The following RPRD1B variants were observed in gnomAD, a reference collection of about 807,000 sequenced individuals.
The protein encoded by RPRD1B is regulation of nuclear pre-mRNA domain-containing protein 1B.
Under a neutral mutation model 41.5 loss-of-function variants are expected in RPRD1B, and 11 were observed. That is an observed-to-expected ratio of 0.27 (90% confidence interval 0.17 to 0.44). The LOEUF (loss-of-function observed/expected upper bound fraction) is 0.44. Among genes scored for constraint, RPRD1B ranks in the 20% least tolerant of loss-of-function variants. RPRD1B has a pLI of 1.00. For synonymous variants in RPRD1B, 158 were observed against 155.6 expected (o/e 1.02, Z -0.12); for missense variants, 248 against 389.9 (o/e 0.64, Z 3.06).
At chr20:38,064,678 C>G (rs1011694522) in intron 5 of RPRD1B, among the ~76,000 whole-genome samples, 1 of 152,098 alleles carries the variant, frequency 6.6e-6, no homozygotes, top group African/African-American at 2.4e-5. Flanking sequence ...CCAAAAATAC[C>G]CTTTCTTAAT....
chr20:38,088,760 G>C (rs1404326087), intron 6 of RPRD1B, among the ~76,000 whole-genome samples: 1 of 152,254 alleles, frequency 6.6e-6, no homozygotes, highest in Non-Finnish European at 1.5e-5. Context: ...AGAGAGCATA[G>C]AGCAGCTTGC....
chr20:38,048,530 G>A (rs1963686113), intron 3 of RPRD1B, 49 bp downstream of exon 3: 7 of 1,547,348 alleles, frequency 4.5e-6, no homozygotes, highest in African/African-American at 1.4e-5. Flanking sequence ...GCCTACTTTC[G>A]AATCAAATAT....
At chr20:38,034,344 T>C (rs2073970281) in intron 1 of RPRD1B, among the ~76,000 whole-genome samples, 1 of 152,200 alleles carries the variant, frequency 6.6e-6, no homozygotes, top group Admixed American at 6.5e-5. Flanking sequence ...ATCAAGCCAT[T>C]TTCCCTTCAG....
At chr20:38,034,419 T>C (rs1021968580) in intron 1 of RPRD1B, among the ~76,000 whole-genome samples, 5 of 152,192 alleles carry the variant, frequency 3.3e-5, no homozygotes, top group African/African-American at 1.2e-4. Context: ...GGCCCTAGCA[T>C]GTCGGGCCCA....
At position 38,054,180 on chromosome 20, in the gene RPRD1B, C is replaced by T. The variant is rs188370672; in HGVS notation, c.416-3352C>T. On this transcript the variant is annotated intron_variant, in intron 3 of 6. Transcript: ENST00000373433. ...ACCTTGGGATAGATTCTAATGGTTTCCAAGGCCTTGTACCTGGAAGACAGG... is the reference window on the plus strand; with the variant it reads ...ACCTTGGGATAGATTCTAATGGTTTTCAAGGCCTTGTACCTGGAAGACAGG... Among the ~76,000 whole-genome samples, 6 of 152,208 alleles carry T rather than the reference C, an allele frequency of 3.9e-5. No individual in the cohort carries two copies. In the East Asian group the frequency reaches 1.2e-3, roughly 29 times the overall value.
rs527964554 is a variant in RPRD1B at position 38,050,819 on chromosome 20, C to T, written c.415+2338C>T. 4.1e-3 allele frequency among the ~76,000 whole-genome samples: 620 copies of T among 152,264 alleles called. 1 individual carries two copies. Among genetic ancestry groups the T allele is most frequent in the Non-Finnish European group, 7.1e-3 (485 of 68,012 alleles). On this transcript the variant is annotated intron_variant, in intron 3 of 6. Coordinates refer to ENST00000373433, the MANE Select transcript of RPRD1B (RefSeq NM_021215.4). ...GCTAATCTAAAGATAATTTCTCTTTCTCTATTCTATAAAGATGAAAACACA... is the reference window on the plus strand; with the variant it reads ...GCTAATCTAAAGATAATTTCTCTTTTTCTATTCTATAAAGATGAAAACACA...
At chr20:38,061,742 A>G (rs2074299614) in intron 5 of RPRD1B, among the ~76,000 whole-genome samples, 1 of 152,142 alleles carries the variant, frequency 6.6e-6, no homozygotes. Flanking sequence ...GCTGAACTCA[A>G]TGGTGGATTC....
chr20:38,091,412 A>G lies in RPRD1B; in HGVS notation c.*1537A>G. The G allele has an allele frequency of 2.0e-6, 2 of 985,470 alleles. No individual in the cohort carries two copies. The highest frequency in any genetic ancestry group is 2.4e-6 in the Non-Finnish European group (2 of 829,920). 61.0% of individuals were successfully genotyped at this position (985,470 alleles called of 1,614,324 possible). A position where few individuals can be genotyped will look rare whatever the true frequency, so the allele number is the denominator to read the frequency against. ...TGAAGTGAGAACAATGAAAAGTCAT[A>G]GCAGATACTCAGTTTAACTCTGTGT... is the stretch of plus-strand genomic sequence containing the variant. On this transcript the variant is annotated 3_prime_UTR_variant, in exon 7 of 7. Transcript: ENST00000373433.
In RPRD1B at chr20:38,091,788, A is replaced by C. The variant is rs1224899954; in HGVS notation, c.*1913A>C. 12 of 985,750 alleles carry C rather than the reference A, an allele frequency of 1.2e-5. No homozygotes were observed. Among genetic ancestry groups the C allele is most frequent in the Non-Finnish European group, 1.4e-5 (12 of 829,952 alleles). 61.1% of individuals were successfully genotyped at this position (985,750 alleles called of 1,614,324 possible). On this transcript the variant is annotated 3_prime_UTR_variant, in exon 7 of 7. Transcript: ENST00000373433. Reference sequence around the variant, plus strand: ...TATTTGCTCTGATCAACTAGATGAAAATATAGCAGAATGGATTTAGCCCAC... The same window carrying C: ...TATTTGCTCTGATCAACTAGATGAACATATAGCAGAATGGATTTAGCCCAC...
intron 3 of RPRD1B, chr20:38,049,625 C>T (rs1356746619): frequency 2.3e-6 from 1 of 431,168 alleles, no homozygotes; most frequent in Admixed American, 2.6e-5. Context: ...GCCTCAGCCT[C>T]CCAAAGTGCT....
rs1243316909 is a variant in RPRD1B at position 38,090,110 on chromosome 20, TC to T, written c.*236del. On this transcript the variant is annotated 3_prime_UTR_variant, in exon 7 of 7. Transcript: ENST00000373433. ...ATATTTGCAAAGACTACAGACTTTTTCTCCCACTTCATATTTTCATGCCCCC... is the reference window on the plus strand; with the variant it reads ...ATATTTGCAAAGACTACAGACTTTTTTCCCACTTCATATTTTCATGCCCCC... 12 of 1,231,734 alleles carry T rather than the reference TC, an allele frequency of 9.7e-6. No individual in the cohort carries two copies. The highest frequency in any genetic ancestry group is 1.5e-5 in the African/African-American group (1 of 66,310). 76.3% of individuals were successfully genotyped at this position (1,231,734 alleles called of 1,614,324 possible).
Position 38,091,121 on chromosome 20 carries a change from TA to T in RPRD1B, c.*1248del. On this transcript the variant is annotated 3_prime_UTR_variant, in exon 7 of 7. Coordinates refer to ENST00000373433, the MANE Select transcript of RPRD1B (RefSeq NM_021215.4). ...TCAGCCTGCCAATTGTAAATCATTC[TA>T]ATTTGGCAGGCTTATTTTTGACATT... The T allele has an allele frequency of 1.0e-6, 1 of 985,894 alleles. No homozygotes were observed. The highest frequency in any genetic ancestry group is 4.7e-5 in the South Asian group (1 of 21,290). 61.1% of individuals were successfully genotyped at this position (985,894 alleles called of 1,614,324 possible).
intron 6 of RPRD1B, among the ~76,000 whole-genome samples, chr20:38,080,804 C>G (rs1162586932): frequency 3.3e-5 from 5 of 152,188 alleles, no homozygotes; most frequent in African/African-American, 9.6e-5. Flanking sequence ...GGATTATAGG[C>G]ATGAGCCACC....
At chr20:38,052,406 A>G (rs796936618) in intron 3 of RPRD1B, among the ~76,000 whole-genome samples, 2 of 152,148 alleles carry the variant, frequency 1.3e-5, no homozygotes, top group African/African-American at 2.4e-5. Flanking sequence ...GGATTTGGCT[A>G]CTCAGTTCAG....
At chr20:38,089,646 A>G (rs1290888860) in intron 6 of RPRD1B, 80 bp from the exon 7 acceptor site, 4 of 1,163,124 alleles carry the variant, frequency 3.4e-6, no homozygotes, top group Non-Finnish European at 3.8e-6. Flanking sequence ...CGAGGACGAG[A>G]GTAGCTGCCC....
chr20:38,052,585 C>A (rs946572342), intron 3 of RPRD1B, among the ~76,000 whole-genome samples: 1 of 152,006 alleles, frequency 6.6e-6, no homozygotes, highest in African/African-American at 2.4e-5. Context: ...ACAATATTTC[C>A]TGATCCTTTT....
chr20:38,034,560 A>G (rs544436732), intron 1 of RPRD1B, among the ~76,000 whole-genome samples: 1 of 152,224 alleles, frequency 6.6e-6, no homozygotes, highest in East Asian at 1.9e-4. Flanking sequence ...CCGTTTTCTC[A>G]TCTGTAAGAG....
At position 38,066,054 on chromosome 20, in the gene RPRD1B, C is replaced by T. The variant is rs2074351019; in HGVS notation, c.656-27C>T. 3 of 1,607,648 alleles carry T rather than the reference C, an allele frequency of 1.9e-6. No individual in the cohort carries two copies. In the East Asian group the frequency reaches 6.7e-5, roughly 36 times the overall value. ...TACCTGTGTGATTTGTATATTTTCT[C>T]TATTTTTTGGTCTCATTTGTACTTA... On this transcript the variant is annotated intron_variant, in intron 5 of 6. Coordinates refer to ENST00000373433, the MANE Select transcript of RPRD1B (RefSeq NM_021215.4).
At position 38,091,443 on chromosome 20, in the gene RPRD1B, C is replaced by T. The variant is rs139755753; in HGVS notation, c.*1568C>T. Reference sequence around the variant, plus strand: ...TACTCAGTTTAACTCTGTGTAGAACCTAGTAGTGTTTGAGCTGTTATTCAG... The same window carrying T: ...TACTCAGTTTAACTCTGTGTAGAACTTAGTAGTGTTTGAGCTGTTATTCAG... On this transcript the variant is annotated 3_prime_UTR_variant, in exon 7 of 7. Coordinates refer to ENST00000373433, the MANE Select transcript of RPRD1B (RefSeq NM_021215.4). The T allele has an allele frequency of 1.3e-4, 126 of 985,222 alleles. No homozygotes were observed. In the African/African-American group the frequency reaches 2.1e-3, roughly 16 times the overall value. 61.0% of individuals were successfully genotyped at this position (985,222 alleles called of 1,614,324 possible).
Sources: gnomAD v4.1 joint callset for allele counts (sites outside exome capture counted in the v4.1 genomes callset) on GRCh38, gnomAD v4.1.1 for gene constraint, MANE v1.5 for transcripts, NCBI Gene and HGNC (gene_info 2026-07-23, HGNC 2026-07-21) for gene names.